Variants in GRIA4 observed in about 807,000 individuals in gnomAD.
The protein encoded by GRIA4 is glutamate receptor 4.
GRIA4 carries 34 observed loss-of-function variants against 104.0 expected under a neutral mutation model. The ratio of observed to expected loss-of-function variants is 0.33; its 90% CI spans 0.25 to 0.44. GRIA4 has a LOEUF of 0.44. Ranked by LOEUF, GRIA4 falls within the 20% of genes least tolerant of loss-of-function variation. The pLI, the probability that GRIA4 is intolerant of heterozygous loss-of-function variation, is 1.00. For synonymous variants in GRIA4, 386 were observed against 381.9 expected, an observed-to-expected ratio of 1.01 and a Z score of -0.13; for missense variants, 750 against 1,096.5, an observed-to-expected ratio of 0.68 and a Z score of 4.46.
chr11:105,794,007 A>G (rs931136245), intron 4 of GRIA4, among the ~76,000 whole-genome samples: 3 of 152,104 alleles, frequency 2.0e-5, no homozygotes, highest in Admixed American at 6.6e-5. Context: ...CAGGAGCAGT[A>G]GGCACTCACA....
intron 4 of GRIA4, among the ~76,000 whole-genome samples, chr11:105,820,202 G>C (rs1591305000): frequency 6.6e-6 from 1 of 152,060 alleles, no homozygotes; most frequent in Non-Finnish European, 1.5e-5. Context: ...GTGGCACTTT[G>C]TTTCCACATC....
At chr11:105,942,834 T>C (rs115412662) in intron 14 of GRIA4, among the ~76,000 whole-genome samples, 57 of 152,240 alleles carry the variant, frequency 3.7e-4, no homozygotes, top group African/African-American at 1.3e-3. Flanking sequence ...TATGTAGCTT[T>C]CAGGTCAACA....
At chr11:105,868,482 A>T (rs1217214940) in intron 5 of GRIA4, among the ~76,000 whole-genome samples, 3 of 152,128 alleles carry the variant, frequency 2.0e-5, no homozygotes, top group African/African-American at 7.2e-5. Context: ...TAGTGATGAT[A>T]GGGGTTCAAA....
At chr11:105,919,385 TA>T (rs1947496195) in intron 11 of GRIA4, among the ~76,000 whole-genome samples, 1 of 152,172 alleles carries the variant, frequency 6.6e-6, no homozygotes, top group African/African-American at 2.4e-5. Flanking sequence ...AGGCAATCAC[TA>T]TATTACTTTA....
chr11:105,891,197 T>C (rs1160250254), intron 6 of GRIA4, among the ~76,000 whole-genome samples: 1 of 152,192 alleles, frequency 6.6e-6, no homozygotes, highest in Non-Finnish European at 1.5e-5. Context: ...CTTAAATCTT[T>C]GATTGGCCCC....
At chr11:105,797,741 C>T (rs1942543726) in intron 4 of GRIA4, 1 of 450,154 alleles carries the variant, frequency 2.2e-6, no homozygotes, top group Admixed American at 2.4e-5. Flanking sequence ...GTAATCAGTA[C>T]CACACCATTG....
chr11:105,642,522 A>G (rs1344974129), intron 3 of GRIA4, among the ~76,000 whole-genome samples: 1 of 132,718 alleles, frequency 7.5e-6, no homozygotes, highest in Admixed American at 8.5e-5. Context: ...TATAATCAAC[A>G]TTCTCAATTT....
intron 4 of GRIA4, among the ~76,000 whole-genome samples, chr11:105,855,581 T>G (rs747427042): frequency 1.3e-5 from 2 of 152,170 alleles, no homozygotes; most frequent in African/African-American, 2.4e-5. Flanking sequence ...TTTATTCTGA[T>G]TGGAAATTAG....
intron 4 of GRIA4, among the ~76,000 whole-genome samples, chr11:105,803,378 T>C (rs1003396189): frequency 3.3e-5 from 5 of 151,988 alleles, no homozygotes; most frequent in Non-Finnish European, 1.5e-5. Flanking sequence ...TAATGATATA[T>C]TGATGTTCAC....
chr11:105,833,430 A>T (rs917421230), intron 4 of GRIA4, among the ~76,000 whole-genome samples: 9 of 152,044 alleles, frequency 5.9e-5, no homozygotes, highest in Admixed American at 2.6e-4. Flanking sequence ...ATAATGGAAG[A>T]TCTATAGATG....
At chr11:105,626,023 T>C (rs1010783099) in intron 3 of GRIA4, among the ~76,000 whole-genome samples, 2 of 152,054 alleles carry the variant, frequency 1.3e-5, no homozygotes, top group African/African-American at 2.4e-5. Context: ...GCAGAAAAGG[T>C]TGTGGTATAG....
At chr11:105,899,649 G>A (rs1032130024) in intron 7 of GRIA4, among the ~76,000 whole-genome samples, 1 of 152,106 alleles carries the variant, frequency 6.6e-6, no homozygotes, top group Non-Finnish European at 1.5e-5. Flanking sequence ...TTTAAATACT[G>A]AATAAGTAAA....
At chr11:105,808,676 C>A (rs987551143) in intron 4 of GRIA4, among the ~76,000 whole-genome samples, 4 of 151,908 alleles carry the variant, frequency 2.6e-5, no homozygotes, top group Non-Finnish European at 5.9e-5. Context: ...TATTTAAGTC[C>A]ATCTTCTCCC....
At chr11:105,746,108 A>G (rs1939640485) in intron 3 of GRIA4, among the ~76,000 whole-genome samples, 1 of 151,910 alleles carries the variant, frequency 6.6e-6, no homozygotes, top group African/African-American at 2.4e-5. Context: ...ATAATTATAT[A>G]TGTGTGTTTG....
At chr11:105,804,832 G>A (rs1025621463) in intron 4 of GRIA4, among the ~76,000 whole-genome samples, 11 of 151,918 alleles carry the variant, frequency 7.2e-5, no homozygotes, top group Non-Finnish European at 1.3e-4. Flanking sequence ...TGTATTAGAT[G>A]TAAAGATCAT....
intron 3 of GRIA4, among the ~76,000 whole-genome samples, chr11:105,647,541 C>A (rs1297064574): frequency 6.6e-6 from 1 of 152,138 alleles, no homozygotes; most frequent in Non-Finnish European, 1.5e-5. Flanking sequence ...TGGAATCAAC[C>A]TAAATGCCCA....
intron 10 of GRIA4, among the ~76,000 whole-genome samples, chr11:105,911,156 G>A (rs1484584874): frequency 6.6e-6 from 1 of 152,014 alleles, no homozygotes; most frequent in Non-Finnish European, 1.5e-5. Context: ...ATTAACCAGT[G>A]AGAAGTACAC....
chr11:105,820,085 C>T (rs1291403474), intron 4 of GRIA4, among the ~76,000 whole-genome samples: 1 of 152,066 alleles, frequency 6.6e-6, no homozygotes, highest in Non-Finnish European at 1.5e-5. Context: ...CAAGAGTACC[C>T]TCCAAGCTTC....
chr11:105,759,000 T>C (rs1940467067), intron 4 of GRIA4, among the ~76,000 whole-genome samples: 1 of 151,142 alleles, frequency 6.6e-6, no homozygotes, highest in African/African-American at 2.4e-5. Flanking sequence ...TTACCACTTA[T>C]TACGTGGTTG....
Sources: allele counts gnomAD v4.1 joint callset (sites outside exome capture counted in the v4.1 genomes callset), GRCh38; gene constraint gnomAD v4.1.1; transcripts MANE v1.5; gene names NCBI Gene and HGNC (gene_info 2026-07-23, HGNC 2026-07-21).